Variants in ARHGEF37 observed in about 807,000 individuals in gnomAD.
ARHGEF37 encodes the protein Rho guanine nucleotide exchange factor (GEF) 37.
A neutral mutation model predicts 71.1 loss-of-function variants in ARHGEF37; 55 were observed. The observed-to-expected ratio is 0.77, with a 90% CI of 0.62 to 0.97. The LOEUF is 0.97. ARHGEF37 is among the 50% of genes least tolerant of loss of function. ARHGEF37 has a pLI of 0.00. For synonymous variants in ARHGEF37, 327 were observed against 350.6 expected (o/e 0.93, Z 0.75); for missense variants, 765 against 836.8 (o/e 0.91, Z 1.06).
At position 149,634,792 on chromosome 5, in the gene ARHGEF37, C is replaced by G. The variant is rs557322297; in HGVS notation, c.*2601C>G. ...GTCTGGTTCACAAGGGTACCCCTTG[C>G]CTCCTGTGATGGAGTGAGAACTCTT... On this transcript the variant is annotated 3_prime_UTR_variant, in exon 13 of 13. Transcript: ENST00000333677. The G allele has an allele frequency of 6.6e-6, 1 of 152,616 alleles. No individual in the cohort carries two copies. Among genetic ancestry groups the G allele is most frequent in the Non-Finnish European group, 1.5e-5 (1 of 68,040 alleles). The allele number at this position is 152,616 out of a possible 1,614,324, so 9.5% of individuals were successfully genotyped here.
rs1434116938 is a variant in ARHGEF37 at position 149,633,307 on chromosome 5, TG to T, written c.*1117del. The stretch of plus-strand genomic sequence containing the variant: ...AGTGATCTCGGGGTGGCCCCCGGCA[TG>T]CTGCCCTCCCCCACGCCCATGCCTG... On this transcript the variant is annotated 3_prime_UTR_variant, in exon 13 of 13. Coordinates refer to ENST00000333677, the MANE Select transcript of ARHGEF37 (RefSeq NM_001001669.3). 1 of 152,382 alleles carries T rather than the reference TG, an allele frequency of 6.6e-6. No homozygotes were observed. Among genetic ancestry groups the T allele is most frequent in the Non-Finnish European group, 1.5e-5 (1 of 68,126 alleles). The allele number at this position is 152,382 out of a possible 1,614,324, so 9.4% of individuals were successfully genotyped here.
chr5:149,558,177 T>C (rs944241984), intron 1 of ARHGEF37, among the ~76,000 whole-genome samples: 2 of 151,902 alleles, frequency 1.3e-5, no homozygotes, highest in Non-Finnish European at 2.9e-5. Context: ...CGGCCCTTTT[T>C]TCTTCTTTCT....
intron 1 of ARHGEF37, among the ~76,000 whole-genome samples, chr5:149,574,636 A>C (rs144817225): frequency 6.6e-6 from 1 of 152,290 alleles, no homozygotes; most frequent in African/African-American, 2.4e-5. Context: ...TGCCAGTCCA[A>C]ACTTCCCTCT....
In ARHGEF37 at chr5:149,609,590, A is replaced by AT; in HGVS notation, c.354dup (p.Lys119Ter). Reference sequence around the variant, plus strand: ...TTCCAAGAGGAGTTGGAGCAAGTCTATAAGGTCTACTGTGCCAGCTACGAC... The same window carrying AT: ...TTCCAAGAGGAGTTGGAGCAAGTCTATTAAGGTCTACTGTGCCAGCTACGAC... On this transcript the variant is annotated frameshift_variant, in exon 4 of 13. Coordinates refer to ENST00000333677, the MANE Select transcript of ARHGEF37 (RefSeq NM_001001669.3). LOFTEE classifies it high-confidence loss of function. 1.2e-6 allele frequency: 2 copies of AT among 1,614,092 alleles called. No homozygotes were observed. The highest frequency in any genetic ancestry group is 1.7e-6 in the Non-Finnish European group (2 of 1,180,040).
At chr5:149,598,066 T>C in intron 2 of ARHGEF37, 111 bp downstream of exon 2, 1 of 1,325,684 alleles carries the variant, frequency 7.5e-7, no homozygotes, top group Non-Finnish European at 1.0e-6. Flanking sequence ...GGAAGCGTGG[T>C]AGATGTGAAG....
chr5:149,624,048 A>T lies in ARHGEF37; in HGVS notation c.1372A>T (p.Lys458Ter), dbSNP rs371752688. ...HHHVPEPAFR[K>*]LVEDALGRTS... The stretch of plus-strand genomic sequence containing the variant: ...CCACGTCCCAGAGCCTGCCTTCAGG[A>T]AGCTGGTGGAGGACGCACTGGGCCG... Residue 458 changes from lysine (K) to a stop codon, truncating the protein, a stop_gained, in exon 10 of 13, where the codon AAG becomes TAG. Transcript: ENST00000333677. LOFTEE classifies it high-confidence loss of function. The T allele has an allele frequency of 1.9e-6, 3 of 1,607,342 alleles. No homozygotes were observed. Among genetic ancestry groups the T allele is most frequent in the Non-Finnish European group, 2.6e-6 (3 of 1,174,480 alleles).
At chr5:149,590,921 A>G (rs1763387353) in intron 1 of ARHGEF37, among the ~76,000 whole-genome samples, 1 of 152,200 alleles carries the variant, frequency 6.6e-6, no homozygotes, top group Non-Finnish European at 1.5e-5. Flanking sequence ...ACCAATCTAC[A>G]CTTAATAAAA....
chr5:149,573,506 C>T (rs1025113202), intron 1 of ARHGEF37, among the ~76,000 whole-genome samples: 7 of 152,130 alleles, frequency 4.6e-5, no homozygotes, highest in African/African-American at 1.7e-4. Context: ...TAAAATATCC[C>T]CTTACCCATA....
chr5:149,591,923 C>T (rs189692479), intron 1 of ARHGEF37, among the ~76,000 whole-genome samples: 4 of 152,186 alleles, frequency 2.6e-5, no homozygotes, highest in Admixed American at 6.5e-5. Context: ...TTTACTTATA[C>T]ATTTTTCAAC....
At position 149,597,972 on chromosome 5, in the gene ARHGEF37, A is replaced by G. The variant is rs569640615; in HGVS notation, c.186+17A>G. The G allele has an allele frequency of 2.0e-5, 31 of 1,560,692 alleles. No individual in the cohort carries two copies. In the African/African-American group the frequency reaches 3.7e-4, roughly 19 times the overall value. Reference sequence around the variant, plus strand: ...CTCCAGCAGGTACTTGGGTGGGGTCACACACAACCTGTCTTTATAGGGGCA... The same window carrying G: ...CTCCAGCAGGTACTTGGGTGGGGTCGCACACAACCTGTCTTTATAGGGGCA... On this transcript the variant is annotated intron_variant, in intron 2 of 12. Coordinates refer to ENST00000333677, the MANE Select transcript of ARHGEF37 (RefSeq NM_001001669.3).
Position 149,618,290 on chromosome 5 carries a change from C to A in ARHGEF37, c.773C>A (p.Ala258Glu). ...TRLSQLLKQE[A>E]GLIPRTEDKE... is the part of the protein sequence containing the mutation. Reference sequence around the variant, plus strand: ...CTGAGCCAGCTGCTGAAGCAGGAGGCGGGGCTGATCCCCAGGGTGAGCGTG... The same window carrying A: ...CTGAGCCAGCTGCTGAAGCAGGAGGAGGGGCTGATCCCCAGGGTGAGCGTG... Residue 258 changes from alanine (A) to glutamate (E), a missense_variant, in exon 6 of 13, where the codon GCG becomes GAG. Ala to Glu is a moderately radical substitution (Grantham distance 107). Coordinates refer to ENST00000333677, the MANE Select transcript of ARHGEF37 (RefSeq NM_001001669.3). 6.2e-7 allele frequency: 1 copy of A among 1,614,182 alleles called. No homozygotes were observed. The highest frequency in any genetic ancestry group is 8.5e-7 in the Non-Finnish European group (1 of 1,180,032).
rs181850232 is a variant in ARHGEF37, at chr5:149,612,009, G to T, written c.458+2314G>T. 3.3e-5 allele frequency among the ~76,000 whole-genome samples: 5 copies of T among 152,212 alleles called. No homozygotes were observed. The East Asian group carries it at 9.6e-4, about 29-fold the overall frequency. On this transcript the variant is annotated intron_variant, in intron 4 of 12. Coordinates refer to ENST00000333677, the MANE Select transcript of ARHGEF37 (RefSeq NM_001001669.3). ...ATATGCTTGGACACCACTACTAAAAGATATAAGGAAGCCATCAGATGCTTG... is the reference window on the plus strand; with the variant it reads ...ATATGCTTGGACACCACTACTAAAATATATAAGGAAGCCATCAGATGCTTG...
At position 149,597,798 on chromosome 5, in the gene ARHGEF37, C is replaced by T; in HGVS notation, c.29C>T (p.Ser10Phe). The change falls in exon 2 of 13, where the codon TCC becomes TTC. Residue 10 changes from serine (S) to phenylalanine (F), a missense_variant. Coordinates refer to ENST00000333677, the MANE Select transcript of ARHGEF37 (RefSeq NM_001001669.3). ...GCCAAGCATGGAGCCGACGAGCCATCCTCCAGGTCAGGGAGTCCGGACAGG... is the reference window on the plus strand; with the variant it reads ...GCCAAGCATGGAGCCGACGAGCCATTCTCCAGGTCAGGGAGTCCGGACAGG... Reference protein sequence around the residue: MAKHGADEPSSRSGSPDREG... With the variant: MAKHGADEPFSRSGSPDREG... 2.5e-6 allele frequency: 4 copies of T among 1,570,840 alleles called. No individual in the cohort carries two copies. The highest frequency in any genetic ancestry group is 2.6e-6 in the Non-Finnish European group (3 of 1,160,588).
chr5:149,609,623 T>C lies in ARHGEF37; in HGVS notation c.386T>C (p.Leu129Ser), dbSNP rs1764018390. The C allele has an allele frequency of 6.2e-7, 1 of 1,613,570 alleles. No homozygotes were observed. The highest frequency in any genetic ancestry group is 8.5e-7 in the Non-Finnish European group (1 of 1,180,028). The change falls in exon 4 of 13, where the codon TTG becomes TCG. Residue 129 changes from leucine to serine, a missense_variant. Leu to Ser is a moderately radical substitution (Grantham distance 145). Coordinates refer to ENST00000333677, the MANE Select transcript of ARHGEF37 (RefSeq NM_001001669.3). ...KVYCASYDQA[L>S]LLVDTYRKEP... The stretch of plus-strand genomic sequence containing the variant: ...TACTGTGCCAGCTACGACCAGGCCT[T>C]GCTACTGGTGGACACGTACCGGAAG...
chr5:149,565,829 AT>A (rs201683478), intron 1 of ARHGEF37, among the ~76,000 whole-genome samples: 249 of 84,196 alleles, frequency 3.0e-3, no homozygotes, highest in African/African-American at 5.3e-3. Context: ...AGAAACTCTA[AT>A]TTTTTTTTTT....
At chr5:149,598,171 T>G (rs895374842) in intron 2 of ARHGEF37, among the ~76,000 whole-genome samples, 1 of 152,216 alleles carries the variant, frequency 6.6e-6, no homozygotes, top group Non-Finnish European at 1.5e-5. Flanking sequence ...AGTGTATTCC[T>G]TGGCTAACTG....
rs185596176 is a variant in ARHGEF37, at chr5:149,617,903, T to C, written c.659-273T>C. Among the ~76,000 whole-genome samples the C allele has an allele frequency of 1.2e-3, 184 of 152,260 alleles. 1 individual carries two copies. The highest frequency in any genetic ancestry group is 3.4e-3 in the Middle Eastern group (1 of 294). ...CTGTCTTAGGTGACTCTCCCAGCAA[T>C]CCTGCGAGGTGGCTGGTCCCATTTT... On this transcript the variant is annotated intron_variant, in intron 5 of 12. Transcript: ENST00000333677.
intron 8 of ARHGEF37, among the ~76,000 whole-genome samples, chr5:149,621,297 A>G (rs1156879295): frequency 3.9e-5 from 6 of 152,130 alleles, no homozygotes; most frequent in African/African-American, 1.4e-4. Context: ...TGTCTCTACA[A>G]AAAATAATAA....
intron 1 of ARHGEF37, among the ~76,000 whole-genome samples, chr5:149,558,464 C>T (rs976552940): frequency 6.6e-6 from 1 of 152,132 alleles, no homozygotes; most frequent in Admixed American, 6.5e-5. Context: ...TGAGATTGTG[C>T]CACTGCACTC....
Sources: allele counts gnomAD v4.1 joint callset (sites outside exome capture counted in the v4.1 genomes callset), GRCh38; gene constraint gnomAD v4.1.1; transcripts MANE v1.5; gene names NCBI Gene and HGNC (gene_info 2026-07-23, HGNC 2026-07-21).